The following BNC2 variants were observed in gnomAD, a reference collection of about 807,000 sequenced individuals.
BNC2 encodes the protein basonuclin zinc finger protein 2, also known as zinc finger protein basonuclin-2.
BNC2 carries 20 observed loss-of-function variants against 76.3 expected under a neutral mutation model. The ratio of observed to expected loss-of-function variants is 0.26; its 90% CI spans 0.18 to 0.38. The LOEUF (loss-of-function observed/expected upper bound fraction) is 0.38, where lower values mean the gene tolerates loss of function less well. Ranked by LOEUF, BNC2 falls within the 10% of genes least tolerant of loss-of-function variation. BNC2 has a pLI of 1.00. For synonymous variants in BNC2, 582 were observed against 514.8 expected (o/e 1.13, Z -1.77); for missense variants, 1,382 against 1,399.8 (o/e 0.99, Z 0.20).
At position 16,440,453 on chromosome 9, in the gene BNC2, C is replaced by T. The variant is rs972684968; in HGVS notation, c.670-2929G>A. Among the ~76,000 whole-genome samples the T allele has an allele frequency of 7.9e-5, 12 of 152,194 alleles. No individual in the cohort carries two copies. The East Asian group carries it at 1.3e-3, about 17-fold the overall frequency. On this transcript the variant is annotated intron_variant, in intron 5 of 6. Transcript: ENST00000380672. ...TGTTCTTTTACAGAGCCTTTCACTA[C>T]GGATTAATTTCTCAGGCTGAGCCTC...
intron 1 of BNC2, among the ~76,000 whole-genome samples, chr9:16,807,242 A>G (rs576497196): frequency 6.6e-6 from 1 of 152,318 alleles, no homozygotes; most frequent in Non-Finnish European, 1.5e-5. Context: ...ACTAGAATGA[A>G]TAAGAATAAT....
intron 3 of BNC2, among the ~76,000 whole-genome samples, chr9:16,684,835 C>T (rs1299758757): frequency 6.6e-6 from 1 of 151,732 alleles, no homozygotes; most frequent in Non-Finnish European, 1.5e-5. Context: ...ATTTGCAATA[C>T]ACCAAATCAC....
intron 5 of BNC2, among the ~76,000 whole-genome samples, chr9:16,473,846 C>T (rs1821874661): frequency 6.6e-6 from 1 of 152,010 alleles, no homozygotes; most frequent in African/African-American, 2.4e-5. Context: ...GCACTCCAGC[C>T]TGGGCAACAC....
chr9:16,478,075 G>A (rs566800312), intron 5 of BNC2, among the ~76,000 whole-genome samples: 1 of 152,302 alleles, frequency 6.6e-6, no homozygotes, highest in African/African-American at 2.4e-5. Flanking sequence ...ACAGTCTGAG[G>A]TAGTTCATTT....
intron 4 of BNC2, among the ~76,000 whole-genome samples, chr9:16,567,053 A>G (rs1454486720): frequency 1.3e-5 from 2 of 152,216 alleles, no homozygotes; most frequent in East Asian, 1.9e-4. Context: ...CTAAACTGGC[A>G]ATTTTATGGC....
At chr9:16,631,604 G>A (rs968445713) in intron 3 of BNC2, among the ~76,000 whole-genome samples, 1 of 152,212 alleles carries the variant, frequency 6.6e-6, no homozygotes, top group Non-Finnish European at 1.5e-5. Flanking sequence ...CTGCAACTGA[G>A]AGGGCTGGTA....
At chr9:16,840,495 T>C (rs761564108) in intron 1 of BNC2, among the ~76,000 whole-genome samples, 25 of 152,210 alleles carry the variant, frequency 1.6e-4, no homozygotes, top group Non-Finnish European at 2.8e-4. Flanking sequence ...GAAGTATTTA[T>C]TCACCCTATC....
rs1468272169 is a variant in BNC2 at position 16,452,761 on chromosome 9, T to C, written c.670-15237A>G. ...GGGCGCATACTTTCTTCCTTCATCT[T>C]ATCTTCTGCAAATAACTTTTTACAT... is the stretch of plus-strand genomic sequence containing the variant. On this transcript the variant is annotated intron_variant, in intron 5 of 6. Coordinates refer to ENST00000380672, the MANE Select transcript of BNC2 (RefSeq NM_017637.6). Among the ~76,000 whole-genome samples, 8 of 152,280 alleles carry C rather than the reference T, an allele frequency of 5.3e-5. No homozygotes were observed. In the South Asian group the frequency reaches 1.7e-3, roughly 32 times the overall value.
chr9:16,844,785 G>A (rs1020072249), intron 1 of BNC2, among the ~76,000 whole-genome samples: 3 of 152,202 alleles, frequency 2.0e-5, no homozygotes, highest in Non-Finnish European at 2.9e-5. Flanking sequence ...ATGCGCCACC[G>A]CACCCAGCCA....
intron 5 of BNC2, among the ~76,000 whole-genome samples, chr9:16,526,098 G>C (rs16934784): frequency 0.085 from 12,821 of 151,482 alleles, 669 homozygotes; most frequent in East Asian, 0.24. Context: ...GCTTCATCCT[G>C]GGTTTTTGTT....
At chr9:16,639,042 T>A (rs1156861344) in intron 3 of BNC2, among the ~76,000 whole-genome samples, 4 of 152,150 alleles carry the variant, frequency 2.6e-5, no homozygotes, top group African/African-American at 9.6e-5. Flanking sequence ...GAAACTCTCA[T>A]AAGAAGAAAA....
At chr9:16,515,748 GA>G (rs146467730) in intron 5 of BNC2, among the ~76,000 whole-genome samples, 7,339 of 141,158 alleles carry the variant, frequency 0.052, 498 homozygotes, top group African/African-American at 0.15. Flanking sequence ...AAAAACCTCT[GA>G]AAAAAAAAAT....
At chr9:16,787,922 A>G (rs1036811916) in intron 1 of BNC2, among the ~76,000 whole-genome samples, 6 of 152,202 alleles carry the variant, frequency 3.9e-5, no homozygotes, top group African/African-American at 1.4e-4. Context: ...TTACTGAATT[A>G]GAATCACTGA....
chr9:16,480,615 C>T (rs898865611), intron 5 of BNC2, among the ~76,000 whole-genome samples: 5 of 152,208 alleles, frequency 3.3e-5, no homozygotes, highest in African/African-American at 1.2e-4. Context: ...AGCAGGCCGG[C>T]CCTGCTGGAC....
At chr9:16,826,201 C>T (rs187786628) in intron 1 of BNC2, among the ~76,000 whole-genome samples, 1 of 137,784 alleles carries the variant, frequency 7.3e-6, no homozygotes, top group Non-Finnish European at 1.6e-5. Flanking sequence ...CAACAGCCCC[C>T]CTTTCTCCTT....
chr9:16,764,366 A>C (rs775343813), intron 1 of BNC2, among the ~76,000 whole-genome samples: 22 of 152,196 alleles, frequency 1.4e-4, no homozygotes, highest in Non-Finnish European at 3.2e-4. Context: ...TTTCATTTTT[A>C]TTTTCAAATC....
chr9:16,537,431 C>T (rs1818165513), intron 5 of BNC2, among the ~76,000 whole-genome samples: 1 of 151,894 alleles, frequency 6.6e-6, no homozygotes, highest in South Asian at 2.1e-4. Context: ...AAAAAAGAAC[C>T]ACATATCCTC....
intron 5 of BNC2, among the ~76,000 whole-genome samples, chr9:16,456,552 C>T (rs1414642406): frequency 7.0e-6 from 1 of 142,248 alleles, no homozygotes; most frequent in Non-Finnish European, 1.5e-5. Flanking sequence ...AAAAAAAAAT[C>T]AGAGTCCTAC....
At chr9:16,653,995 G>A (rs181803260) in intron 3 of BNC2, among the ~76,000 whole-genome samples, 153 of 151,986 alleles carry the variant, frequency 1.0e-3, no homozygotes, top group African/African-American at 3.4e-3. Flanking sequence ...GTACAGAGGC[G>A]GGTGTTCTAC....
Sources: allele counts gnomAD v4.1 joint callset (sites outside exome capture counted in the v4.1 genomes callset), GRCh38; gene constraint gnomAD v4.1.1; transcripts MANE v1.5; gene names NCBI Gene and HGNC (gene_info 2026-07-23, HGNC 2026-07-21).